Variants in NT5DC2 observed in about 807,000 individuals in gnomAD.
NT5DC2 encodes the protein 5'-nucleotidase domain-containing protein 2.
Under a neutral mutation model 70.0 loss-of-function variants are expected in NT5DC2, and 41 were observed. The observed-to-expected ratio is 0.59, with a 90% CI of 0.46 to 0.76. The LOEUF (loss-of-function observed/expected upper bound fraction) is 0.76, where lower values mean the gene tolerates loss of function less well. Ranked by LOEUF, NT5DC2 falls within the 30% of genes least tolerant of loss-of-function variation. The pLI, the probability that NT5DC2 is intolerant of heterozygous loss-of-function variation, is 0.00. For missense variants in NT5DC2, 705 were observed against 783.2 expected (o/e 0.90, Z 1.19); for synonymous variants, 299 against 310.4 (o/e 0.96, Z 0.39).
chr3:52,525,033 A>T lies in NT5DC2; in HGVS notation c.1277T>A (p.Ile426Asn), dbSNP rs1464639967. 6.2e-7 allele frequency: 1 copy of T among 1,605,860 alleles called. No homozygotes were observed. Among genetic ancestry groups the T allele is most frequent in the Non-Finnish European group, 8.5e-7 (1 of 1,177,066 alleles). Residue 426 changes from isoleucine to asparagine, a missense_variant, in exon 12 of 14, where the codon ATC becomes AAC. Transcript: ENST00000422318. ...CGAGTGCATGTACTGCTCCGTGTTGATGATGCGGATCTCACGCTCCAGCTC... is the reference window on the plus strand; with the variant it reads ...CGAGTGCATGTACTGCTCCGTGTTGTTGATGCGGATCTCACGCTCCAGCTC... Reference protein sequence around the residue: ...IPELEREIRIINTEQYMHSLT... With the variant: ...IPELEREIRINNTEQYMHSLT...
Position 52,525,090 on chromosome 3 carries a change from C to A in NT5DC2, c.1220G>T (p.Arg407Leu), listed in dbSNP as rs770102270. Residue 407 changes from arginine to leucine, a missense_variant, in exon 12 of 14, where the codon CGG becomes CTG. Physicochemically the swap from Arg to Leu is moderately radical, Grantham distance 102. Coordinates refer to ENST00000422318, the MANE Select transcript of NT5DC2 (RefSeq NM_001134231.2). ...LYSDLADLMLRHGWRTGAIIP... is the reference protein window; with the variant it reads ...LYSDLADLMLLHGWRTGAIIP... The stretch of plus-strand genomic sequence containing the variant: ...GATGGCGCCTGTGCGCCAGCCGTGC[C>A]GCAGCATGAGATCCTGGTGGGTGGG... 28 of 1,433,008 alleles carry A rather than the reference C, an allele frequency of 2.0e-5. No individual in the cohort carries two copies. The Admixed American group carries it at 5.5e-4, about 28-fold the overall frequency. 88.8% of individuals were successfully genotyped at this position (1,433,008 alleles called of 1,614,324 possible). A position where few individuals can be genotyped will look rare whatever the true frequency, so the allele number is the denominator to read the frequency against.
Position 52,533,776 on chromosome 3 carries a change from CCA to C in NT5DC2, c.-41_-40del. On this transcript the variant is annotated 5_prime_UTR_variant, in exon 1 of 14. Transcript: ENST00000422318. ...CGCCCGCCGCCCGCGCTGCCCTCGG[CCA>C]GCCCGCCGCCCGCCGCCCGCCGCCC... 9.3e-6 allele frequency: 9 copies of C among 971,572 alleles called. No homozygotes were observed. Among genetic ancestry groups the C allele is most frequent in the Non-Finnish European group, 1.1e-5 (9 of 825,914 alleles). The allele number at this position is 971,572 out of a possible 1,614,324, so 60.2% of individuals were successfully genotyped here.
chr3:52,527,436 C>T (rs1225290982), intron 9 of NT5DC2, 61 bp from the exon 10 acceptor site: 1 of 1,567,738 alleles, frequency 6.4e-7, no homozygotes, highest in Non-Finnish European at 8.8e-7. Flanking sequence ...CCGGGCAACC[C>T]CCATCCCTCC....
In NT5DC2 at chr3:52,533,635, C is replaced by T. The variant is rs1204791474; in HGVS notation, c.103G>A (p.Gly35Ser). 13 of 1,213,622 alleles carry T rather than the reference C, an allele frequency of 1.1e-5. No homozygotes were observed. The highest frequency in any genetic ancestry group is 1.3e-5 in the Non-Finnish European group (13 of 976,782). The allele number at this position is 1,213,622 out of a possible 1,614,324, so 75.2% of individuals were successfully genotyped here. The change falls in exon 1 of 14, where the codon GGC becomes AGC. Residue 35 changes from glycine to serine, a missense_variant. Physicochemically the swap from Gly to Ser is moderately conservative, Grantham distance 56. Transcript: ENST00000422318. ...CAGTGGGCGCCGGGACCCGGGGGGC[C>T]GCACCCAGGGCAGGAGGGCGAGGAC... ...ASSSPSCPGC[G>S]PPGPGAHCPG...
Position 52,533,758 on chromosome 3 carries a change from C to G in NT5DC2, c.-21G>C, listed in dbSNP as rs2079392943. 1 of 930,666 alleles carries G rather than the reference C, an allele frequency of 1.1e-6. No individual in the cohort carries two copies. Among genetic ancestry groups the G allele is most frequent in the Non-Finnish European group, 1.3e-6 (1 of 789,874 alleles). The allele number at this position is 930,666 out of a possible 1,614,324, so 57.7% of individuals were successfully genotyped here. ...GCCATGCCCACCGCGCGCCGCCCGC[C>G]GCCCGCGCTGCCCTCGGCCAGCCCG... On this transcript the variant is annotated 5_prime_UTR_variant, in exon 1 of 14. Transcript: ENST00000422318.
In NT5DC2 at chr3:52,533,410, G is replaced by A. The variant is rs984575391; in HGVS notation, c.232+96C>T. 12 of 1,303,564 alleles carry A rather than the reference G, an allele frequency of 9.2e-6. No homozygotes were observed. In the South Asian group the frequency reaches 1.2e-4, roughly 13 times the overall value. 80.7% of individuals were successfully genotyped at this position (1,303,564 alleles called of 1,614,324 possible). On this transcript the variant is annotated intron_variant, in intron 1 of 13. Transcript: ENST00000422318. ...CTCCGGGGCCCTGGCGAGCCCCACT[G>A]GGTGTTTCCCCGGAGGAGCGGCACC...
In NT5DC2 at chr3:52,533,585, G is replaced by A; in HGVS notation, c.153C>T (p.Pro51=). ...AHCPGVPRSA[P]AQAPTSGADL... The stretch of plus-strand genomic sequence containing the variant: ...CGGCGCCGCTGGTGGGTGCCTGGGC[G>A]GGCGCGGAGCGCGGGACGCCGGGGC... The change falls in exon 1 of 14, where the codon CCC becomes CCT. Residue 51 remains proline, a synonymous_variant. Coordinates refer to ENST00000422318, the MANE Select transcript of NT5DC2 (RefSeq NM_001134231.2). The A allele has an allele frequency of 1.5e-6, 2 of 1,293,026 alleles. No individual in the cohort carries two copies. Among genetic ancestry groups the A allele is most frequent in the South Asian group, 2.3e-5 (1 of 44,012 alleles). The allele number at this position is 1,293,026 out of a possible 1,614,324, so 80.1% of individuals were successfully genotyped here. A position where few individuals can be genotyped will look rare whatever the true frequency, so the allele number is the denominator to read the frequency against.
At chr3:52,534,881 A>C, upstream of NT5DC2, 1 of 560,642 alleles carries the variant, frequency 1.8e-6, no homozygotes, top group South Asian at 2.1e-5. Flanking sequence ...GGGACTGGTA[A>C]GGATTGAGGC....
In NT5DC2 at chr3:52,527,925, T is replaced by C. The variant is rs1271243706; in HGVS notation, c.839A>G (p.Tyr280Cys). The change falls in exon 8 of 14, where the codon TAC (tyrosine) becomes TGC (cysteine). Residue 280 changes from tyrosine (Y) to cysteine (C), a missense_variant. Transcript: ENST00000422318. The stretch of plus-strand genomic sequence containing the variant: ...AAACGTCTCATCCCCTCTCAGGATG[T>C]ACTTCTCTAATGGGGCAGATGAGTC... ...YQWIEQDMEK[Y>C]ILRGDETFAV... is the part of the protein sequence containing the mutation. The C allele has an allele frequency of 1.2e-6, 2 of 1,613,608 alleles. No homozygotes were observed. The highest frequency in any genetic ancestry group is 3.3e-5 in the Admixed American group (2 of 60,030).
chr3:52,534,615 A>G, upstream of NT5DC2: 1 of 1,613,776 alleles, frequency 6.2e-7, no homozygotes, highest in Non-Finnish European at 8.5e-7. Flanking sequence ...TTTCCAACAA[A>G]ATTCCTCTTT....
Position 52,528,199 on chromosome 3 carries a change from A to G in NT5DC2, c.755T>C (p.Leu252Pro), listed in dbSNP as rs1393368813. The change falls in exon 6 of 14, where the codon CTC becomes CCC. Residue 252 changes from leucine (L) to proline (P), a missense_variant. Transcript: ENST00000422318. Reference protein sequence around the residue: ...GHSLEFDQAHLYKDVTDAIRD... With the variant: ...GHSLEFDQAHPYKDVTDAIRD... ...CATCCTCACCGTCACGTCCTTGTAG[A>G]GATGTGCTTGGTCAAACTCCAGGCT... is the stretch of plus-strand genomic sequence containing the variant. 1 of 1,613,242 alleles carries G rather than the reference A, an allele frequency of 6.2e-7. No homozygotes were observed. Among genetic ancestry groups the G allele is most frequent in the Admixed American group, 1.7e-5 (1 of 60,030 alleles).
intron 8 of NT5DC2, 33 bp from the exon 9 acceptor site, chr3:52,527,751 T>C: frequency 6.2e-7 from 1 of 1,612,210 alleles, no homozygotes; most frequent in Non-Finnish European, 8.5e-7. Context: ...GCAAGTAGTC[T>C]GAGGGCGGCT....
rs181171122 is a variant in NT5DC2, at chr3:52,524,464, G to C, written c.*6C>G. 5.0e-6 allele frequency: 8 copies of C among 1,612,590 alleles called. No homozygotes were observed. The highest frequency in any genetic ancestry group is 1.3e-5 in the African/African-American group (1 of 74,948). On this transcript the variant is annotated 3_prime_UTR_variant, in exon 14 of 14. Coordinates refer to ENST00000422318, the MANE Select transcript of NT5DC2 (RefSeq NM_001134231.2). ...TGAGGGCCTGTCCCAGACAATAAAG[G>C]TGCCCTCAGCGGATGTGGGCCATGT...
In NT5DC2 at chr3:52,533,648, G is replaced by A. The variant is rs2079390476; in HGVS notation, c.90C>T (p.Ser30=). ...GACCCGGGGGGCCGCACCCAGGGCAGGAGGGCGAGGACGAGGCGGCTCGCG... is the reference window on the plus strand; with the variant it reads ...GACCCGGGGGGCCGCACCCAGGGCAAGAGGGCGAGGACGAGGCGGCTCGCG... ...GGPRAASSSP[S]CPGCGPPGPG... Residue 30 remains serine, a synonymous_variant, in exon 1 of 14, where the codon TCC becomes TCT. Transcript: ENST00000422318. The A allele has an allele frequency of 1.7e-6, 2 of 1,182,452 alleles. No individual in the cohort carries two copies. The highest frequency in any genetic ancestry group is 2.1e-6 in the Non-Finnish European group (2 of 957,340). 73.2% of individuals were successfully genotyped at this position (1,182,452 alleles called of 1,614,324 possible).
At position 52,529,104 on chromosome 3, in the gene NT5DC2, A is replaced by G. The variant is rs781615153; in HGVS notation, c.417+46T>C. 5.0e-6 allele frequency: 8 copies of G among 1,611,230 alleles called. 1 individual carries two copies. In the South Asian group the frequency reaches 8.8e-5, roughly 18 times the overall value. ...AGCTTAGGCCAAGGTGGGTCTGGCC[A>G]GCCTCCAAGCCCTGGGTTTGTTGGT... is the stretch of plus-strand genomic sequence containing the variant. On this transcript the variant is annotated intron_variant, in intron 2 of 13. Coordinates refer to ENST00000422318, the MANE Select transcript of NT5DC2 (RefSeq NM_001134231.2). The surrounding 1 kb of genome is among the most constrained non-coding windows in gnomAD (Gnocchi z 4.1).
At chr3:52,528,801 G>A (rs1385674785) in intron 3 of NT5DC2, 60 bp downstream of exon 3, 11 of 1,600,856 alleles carry the variant, frequency 6.9e-6, no homozygotes, top group East Asian at 2.2e-5. Flanking sequence ...GGACGGAGGG[G>A]TAATGACCAT....
rs990738064 is a variant in NT5DC2 at position 52,529,547 on chromosome 3, G to A, written c.233-213C>T. Among the ~76,000 whole-genome samples the A allele has an allele frequency of 2.0e-5, 3 of 152,168 alleles. No homozygotes were observed. The East Asian group carries it at 5.8e-4, about 29-fold the overall frequency. ...TTAGGGTAAGGCAGAGCCCCTGGCT[G>A]GAGCTCCTCCTCATGGTTACACCTG... On this transcript the variant is annotated intron_variant, in intron 1 of 13. Transcript: ENST00000422318. This position sits in a 1 kb window ranked among gnomAD's most constrained non-coding sequence, Gnocchi z 4.1.
chr3:52,533,937 C>T (rs969300096), upstream of NT5DC2: 4 of 626,980 alleles, frequency 6.4e-6, no homozygotes, highest in Non-Finnish European at 7.9e-6. Context: ...CCCGGCGGGG[C>T]GGGGCGGGGC....
At position 52,527,642 on chromosome 3, in the gene NT5DC2, G is replaced by T; in HGVS notation, c.1012C>A (p.Pro338Thr). 1 of 1,613,078 alleles carries T rather than the reference G, an allele frequency of 6.2e-7. No individual in the cohort carries two copies. The highest frequency in any genetic ancestry group is 8.5e-7 in the Non-Finnish European group (1 of 1,180,000). ...FDVVIVQADK[P>T]SFFTDRRKPF... The stretch of plus-strand genomic sequence containing the variant: ...TTGCGCCGGTCAGTGAAGAAGCTGG[G>T]CTTGTCTGCCTGGACAATGACCACA... Residue 338 changes from proline (P) to threonine (T), a missense_variant, in exon 9 of 14, where the codon CCC becomes ACC. By Grantham distance (38) the Pro-to-Thr change is conservative. Transcript: ENST00000422318.
Sources: gnomAD v4.1 joint callset for allele counts (sites outside exome capture counted in the v4.1 genomes callset) on GRCh38, gnomAD v4.1.1 for gene constraint, Gnocchi (gnomAD v3.1) non-coding constraint, MANE v1.5 for transcripts, NCBI Gene and HGNC (gene_info 2026-07-23, HGNC 2026-07-21) for gene names.